Variants in ROBO1 observed in about 807,000 individuals in gnomAD.
ROBO1 encodes roundabout homolog 1.
A neutral mutation model predicts 195.9 loss-of-function variants in ROBO1; 149 were observed. The ratio of observed to expected loss-of-function variants is 0.76; its 90% CI spans 0.67 to 0.87. The LOEUF (loss-of-function observed/expected upper bound fraction) is 0.87. ROBO1 is among the 40% of genes least tolerant of loss of function. ROBO1 has a pLI of 0.00. For synonymous variants in ROBO1, 816 were observed against 733.2 expected, an observed-to-expected ratio of 1.11 and a Z score of -1.82; for missense variants, 1,933 against 2,068.3, an observed-to-expected ratio of 0.93 and a Z score of 1.27.
intron 2 of ROBO1, among the ~76,000 whole-genome samples, chr3:79,204,138 C>A (rs750300143): frequency 3.0e-4 from 45 of 152,156 alleles, no homozygotes; most frequent in Non-Finnish European, 5.4e-4. Context: ...TATTTTGATA[C>A]CTGTATACAA....
intron 3 of ROBO1, among the ~76,000 whole-genome samples, chr3:79,075,954 C>T (rs953036382): frequency 6.6e-6 from 1 of 151,506 alleles, no homozygotes; most frequent in Non-Finnish European, 1.5e-5. Context: ...CAAGAGGCAG[C>T]ATAGTATAAA....
chr3:79,079,299 C>T (rs1045168374), intron 3 of ROBO1, among the ~76,000 whole-genome samples: 2 of 151,322 alleles, frequency 1.3e-5, no homozygotes, highest in Admixed American at 1.3e-4. Context: ...ACTTAAAGTT[C>T]CAAAAATAAA....
intron 1 of ROBO1, among the ~76,000 whole-genome samples, chr3:79,659,498 G>T (rs774898898): frequency 6.6e-6 from 1 of 151,830 alleles, no homozygotes; most frequent in East Asian, 1.9e-4. Flanking sequence ...AGCCAAGCAC[G>T]TTTCCTTATT....
intron 2 of ROBO1, among the ~76,000 whole-genome samples, chr3:79,547,757 G>A (rs976087800): frequency 1.3e-5 from 2 of 152,234 alleles, no homozygotes; most frequent in East Asian, 1.9e-4. Context: ...TTCTTGTTAG[G>A]ATTGTGGGAA....
At chr3:79,109,236 A>C (rs2108528456) in intron 3 of ROBO1, among the ~76,000 whole-genome samples, 1 of 151,994 alleles carries the variant, frequency 6.6e-6, no homozygotes, top group Non-Finnish European at 1.5e-5. Flanking sequence ...TAGTAGCTTT[A>C]AAAATGCAGA....
intron 1 of ROBO1, among the ~76,000 whole-genome samples, chr3:79,708,888 C>G (rs961317159): frequency 2.6e-5 from 4 of 151,926 alleles, no homozygotes; most frequent in South Asian, 2.1e-4. Flanking sequence ...CAATAAAGAA[C>G]AAATATGATG....
intron 2 of ROBO1, among the ~76,000 whole-genome samples, chr3:79,245,285 T>C (rs780935040): frequency 6.6e-6 from 1 of 152,122 alleles, no homozygotes. Context: ...TATTTTCATA[T>C]GGCAAACTAC....
chr3:79,709,853 G>A (rs536892188), intron 1 of ROBO1, among the ~76,000 whole-genome samples: 4 of 152,184 alleles, frequency 2.6e-5, no homozygotes, highest in Non-Finnish European at 4.4e-5. Context: ...TGCCTTGCCC[G>A]TTTATTACAC....
chr3:78,754,012 T>A (rs1198877279), intron 4 of ROBO1, among the ~76,000 whole-genome samples: 2 of 152,228 alleles, frequency 1.3e-5, no homozygotes, highest in East Asian at 1.9e-4. Flanking sequence ...AACAGAAGTC[T>A]AGAATGTCAG....
At chr3:79,181,300 C>T (rs141632697) in intron 2 of ROBO1, among the ~76,000 whole-genome samples, 2 of 152,090 alleles carry the variant, frequency 1.3e-5, no homozygotes, top group Non-Finnish European at 2.9e-5. Flanking sequence ...AATCACAGAG[C>T]TTTTGCATTA....
intron 1 of ROBO1, among the ~76,000 whole-genome samples, chr3:79,728,734 G>T (rs1703028728): frequency 6.6e-6 from 1 of 151,986 alleles, no homozygotes; most frequent in Non-Finnish European, 1.5e-5. Context: ...CTTAATTTCA[G>T]TCCCTTCAAA....
chr3:79,334,306 A>C (rs1055418310), intron 2 of ROBO1, among the ~76,000 whole-genome samples: 1 of 124,034 alleles, frequency 8.1e-6, no homozygotes, highest in African/African-American at 2.9e-5. Context: ...TGTCTAAAAA[A>C]AAAAAATATA....
At chr3:79,081,191 C>G (rs139161201) in intron 3 of ROBO1, among the ~76,000 whole-genome samples, 1,813 of 149,734 alleles carry the variant, frequency 0.012, 34 homozygotes, top group Non-Finnish European at 0.015. Flanking sequence ...TTTTTTTTTG[C>G]TTTCCTTAAA....
intron 4 of ROBO1, among the ~76,000 whole-genome samples, chr3:78,832,229 C>G (rs182918789): frequency 6.6e-6 from 1 of 152,234 alleles, no homozygotes; most frequent in East Asian, 1.9e-4. Context: ...GATGATAATT[C>G]AATGTTACAC....
chr3:78,622,172 C>G, intron 26 of ROBO1, among the ~76,000 whole-genome samples: 1 of 151,920 alleles, frequency 6.6e-6, no homozygotes, highest in East Asian at 1.9e-4. Flanking sequence ...TGTTGATCAC[C>G]TAGTTTACCC....
chr3:79,274,846 G>A (rs1042889419), intron 2 of ROBO1, among the ~76,000 whole-genome samples: 1 of 151,870 alleles, frequency 6.6e-6, no homozygotes, highest in Non-Finnish European at 1.5e-5. Context: ...TTAGAGGTTA[G>A]TATGAGCAAC....
intron 2 of ROBO1, among the ~76,000 whole-genome samples, chr3:79,526,893 C>A (rs911439719): frequency 6.6e-6 from 1 of 152,242 alleles, no homozygotes; most frequent in Admixed American, 6.5e-5. Context: ...TTTCCCTATT[C>A]TGTATTCTAA....
chr3:79,180,916 T>C (rs2081329869), intron 2 of ROBO1, among the ~76,000 whole-genome samples: 1 of 152,150 alleles, frequency 6.6e-6, no homozygotes, highest in Non-Finnish European at 1.5e-5. Flanking sequence ...GAGAACATCT[T>C]GAAGGAGCCA....
chr3:79,549,536 T>A (rs1056605005), intron 2 of ROBO1, among the ~76,000 whole-genome samples: 17 of 152,306 alleles, frequency 1.1e-4, no homozygotes, highest in South Asian at 6.2e-4. Context: ...ACAGCCTTTT[T>A]TTCCCTGTCA....
Sources: gnomAD v4.1 joint callset for allele counts (sites outside exome capture counted in the v4.1 genomes callset) on GRCh38, gnomAD v4.1.1 for gene constraint, MANE v1.5 for transcripts, NCBI Gene and HGNC (gene_info 2026-07-23, HGNC 2026-07-21) for gene names.